The following PJVK variants were observed in gnomAD, a reference collection of about 807,000 sequenced individuals.
The protein encoded by PJVK is pejvakin, also known as autosomal recessive deafness type 59 protein.
A neutral mutation model predicts 37.6 loss-of-function variants in PJVK; 33 were observed. That is an observed-to-expected ratio of 0.88 (90% CI 0.67 to 1.17). The LOEUF is 1.17. Among genes scored for constraint, PJVK ranks in the 50% most tolerant of loss-of-function variants. The probability of loss-of-function intolerance (pLI) is 0.00; values close to 1 mark genes in which losing one functional copy is unlikely to be tolerated. For synonymous variants in PJVK, 141 were observed against 143.5 expected (o/e 0.98, Z 0.13); for missense variants, 410 against 413.8 (o/e 0.99, Z 0.08).
At chr2:178,460,905 A>T in intron 6 of PJVK, 77 bp from the exon 7 acceptor site, 1 of 1,136,918 alleles carries the variant, frequency 8.8e-7, no homozygotes, top group Non-Finnish European at 1.3e-6. Context: ...GGATTCACAT[A>T]TTTATTAATG....
Position 178,461,327 on chromosome 2 carries a change from C to A in PJVK, c.*53C>A, listed in dbSNP as rs1684498499. The A allele has an allele frequency of 3.8e-6, 6 of 1,596,260 alleles. No homozygotes were observed. The highest frequency in any genetic ancestry group is 3.3e-5 in the South Asian group (3 of 90,108). On this transcript the variant is annotated 3_prime_UTR_variant, in exon 7 of 7. Coordinates refer to ENST00000644580, the MANE Select transcript of PJVK (RefSeq NM_001042702.5). The stretch of plus-strand genomic sequence containing the variant: ...GTTTTAGGTGCAGTTGTGCCACAAA[C>A]CTTCCCTAAATTATCTAGGTTTGCT...
chr2:178,457,795 G>A (rs753930159), intron 4 of PJVK, among the ~76,000 whole-genome samples: 2 of 152,094 alleles, frequency 1.3e-5, no homozygotes, highest in South Asian at 2.1e-4. Context: ...GGAGTTCAAG[G>A]TTACAGTAGG....
At chr2:178,454,100 T>C (rs180954013) in intron 2 of PJVK, 1 of 427,652 alleles carries the variant, frequency 2.3e-6, no homozygotes, top group East Asian at 4.6e-5. Flanking sequence ...ATCTTGATGC[T>C]TAAGAAGTTC....
intron 6 of PJVK, 128 bp from the exon 7 acceptor site, chr2:178,460,848 CAAAAAA>C (rs748779811): frequency 1.1e-3 from 337 of 304,424 alleles, no homozygotes; most frequent in Middle Eastern, 3.4e-3. Flanking sequence ...GACCCTGTCT[CAAAAAA>C]AAAAAAAAAA....
At chr2:178,459,065 A>C in intron 5 of PJVK, 1 of 442,950 alleles carries the variant, frequency 2.3e-6, no homozygotes, top group South Asian at 1.7e-5. Context: ...AGTTTTACTT[A>C]TCATAGACCC....
chr2:178,461,306 T>C lies in PJVK; in HGVS notation c.*32T>C, dbSNP rs1339323935. On this transcript the variant is annotated 3_prime_UTR_variant, in exon 7 of 7. Coordinates refer to ENST00000644580, the MANE Select transcript of PJVK (RefSeq NM_001042702.5). ...AAATGAATACACCGTGTTGGTGTTT[T>C]AGGTGCAGTTGTGCCACAAACCTTC... 3 of 1,611,536 alleles carry C rather than the reference T, an allele frequency of 1.9e-6. No individual in the cohort carries two copies. Among genetic ancestry groups the C allele is most frequent in the South Asian group, 1.1e-5 (1 of 90,874 alleles).
In PJVK at chr2:178,455,918, T is replaced by C. The variant is rs181531462; in HGVS notation, c.408-92T>C. The C allele has an allele frequency of 5.1e-5, 72 of 1,424,976 alleles. No individual in the cohort carries two copies. The East Asian group carries it at 1.6e-3, about 32-fold the overall frequency. 88.3% of individuals were successfully genotyped at this position (1,424,976 alleles called of 1,614,324 possible). On this transcript the variant is annotated intron_variant, in intron 3 of 6. Transcript: ENST00000644580. Reference sequence around the variant, plus strand: ...TGCCTTGATTTACTATTAGGTGAACTATGAATGAATAACACATGATAGCAA... The same window carrying C: ...TGCCTTGATTTACTATTAGGTGAACCATGAATGAATAACACATGATAGCAA...
chr2:178,452,522 A>C, intron 1 of PJVK: 1 of 985,398 alleles, frequency 1.0e-6, no homozygotes, highest in Non-Finnish European at 1.2e-6. Context: ...GTATTTCACA[A>C]TATATGAACT....
At chr2:178,457,679 C>T (rs890559080) in intron 4 of PJVK, among the ~76,000 whole-genome samples, 5 of 152,128 alleles carry the variant, frequency 3.3e-5, no homozygotes, top group African/African-American at 7.2e-5. Context: ...ACTAGGGGCC[C>T]GGGGCCACGG....
intron 3 of PJVK, among the ~76,000 whole-genome samples, chr2:178,455,697 A>G (rs1684021134): frequency 1.3e-5 from 2 of 152,116 alleles, no homozygotes; most frequent in African/African-American, 4.8e-5. Context: ...GTTCCACAAA[A>G]TTACTTTGGC....
In PJVK at chr2:178,451,729, T is replaced by C; in HGVS notation, c.-63T>C. 2 of 979,292 alleles carry C rather than the reference T, an allele frequency of 2.0e-6. No individual in the cohort carries two copies. The highest frequency in any genetic ancestry group is 2.4e-6 in the Non-Finnish European group (2 of 824,364). The allele number at this position is 979,292 out of a possible 1,614,324, so 60.7% of individuals were successfully genotyped here. A position where few individuals can be genotyped will look rare whatever the true frequency, so the allele number is the denominator to read the frequency against. ...CCCGCTCCTCTCCCGCCGGGCGGGCTCCTTTGTCTTCTGGGCTTTCGTCGC... is the reference window on the plus strand; with the variant it reads ...CCCGCTCCTCTCCCGCCGGGCGGGCCCCTTTGTCTTCTGGGCTTTCGTCGC... On this transcript the variant is annotated 5_prime_UTR_variant, in exon 1 of 7. Transcript: ENST00000644580.
intron 4 of PJVK, 109 bp downstream of exon 4, chr2:178,456,260 A>G (rs981501774): frequency 1.1e-5 from 16 of 1,401,916 alleles, no homozygotes; most frequent in Non-Finnish European, 1.5e-5. Context: ...TGTTCTGATG[A>G]AAGAGCTGCA....
In PJVK at chr2:178,460,448, T is replaced by G; in HGVS notation, c.766+2T>G. On this transcript the variant is annotated splice_donor_variant, in intron 6 of 6. Coordinates refer to ENST00000644580, the MANE Select transcript of PJVK (RefSeq NM_001042702.5). LOFTEE classifies it high-confidence loss of function. The stretch of plus-strand genomic sequence containing the variant: ...TGAGAAATATCCTATTTGAAAGAAG[T>G]ATGTTTATTGAAGAGTACTGTGAAT... 6.2e-7 allele frequency: 1 copy of G among 1,612,710 alleles called. No homozygotes were observed. Among genetic ancestry groups the G allele is most frequent in the South Asian group, 1.1e-5 (1 of 91,052 alleles).
chr2:178,461,549 T>A lies in PJVK; in HGVS notation c.*275T>A. On this transcript the variant is annotated 3_prime_UTR_variant, in exon 7 of 7. Transcript: ENST00000644580. ...ATGAATCATGCCAGTCACTTTAGAA[T>A]CATTTTTGGGATGTAGTCTATCATT... 2.7e-6 allele frequency: 1 copy of A among 366,172 alleles called. No homozygotes were observed. The highest frequency in any genetic ancestry group is 5.0e-6 in the Non-Finnish European group (1 of 198,636). 22.7% of individuals were successfully genotyped at this position (366,172 alleles called of 1,614,324 possible). A position where few individuals can be genotyped will look rare whatever the true frequency, so the allele number is the denominator to read the frequency against.
Position 178,458,490 on chromosome 2 carries a change from T to C in PJVK, c.550-20T>C. 1 of 1,517,198 alleles carries C rather than the reference T, an allele frequency of 6.6e-7. No homozygotes were observed. The highest frequency in any genetic ancestry group is 9.2e-7 in the Non-Finnish European group (1 of 1,092,524). The allele number at this position is 1,517,198 out of a possible 1,614,324, so 94.0% of individuals were successfully genotyped here. ...TACATGTTATGATCCTTAATTATGT[T>C]ATTTATTTATTCAATATAGTTTCAC... On this transcript the variant is annotated intron_variant, in intron 4 of 6. Transcript: ENST00000644580.
At chr2:178,458,173 T>C (rs1179488969) in intron 4 of PJVK, among the ~76,000 whole-genome samples, 1 of 151,732 alleles carries the variant, frequency 6.6e-6, no homozygotes, top group Non-Finnish European at 1.5e-5. Flanking sequence ...CAGGCTAGGC[T>C]GAAAACTTTA....
chr2:178,453,688 A>T (rs966848492), intron 2 of PJVK, 68 bp downstream of exon 2: 1 of 1,277,058 alleles, frequency 7.8e-7, no homozygotes, highest in Non-Finnish European at 1.1e-6. Flanking sequence ...CATAGGTCAT[A>T]TATGCTACTT....
At position 178,461,159 on chromosome 2, in the gene PJVK, G is replaced by A. The variant is rs1214369139; in HGVS notation, c.944G>A (p.Gly315Glu). Residue 315 changes from glycine to glutamate, a missense_variant, in exon 7 of 7, where the codon GGG becomes GAG. Gly to Glu is a moderately conservative substitution (Grantham distance 98). Coordinates refer to ENST00000644580, the MANE Select transcript of PJVK (RefSeq NM_001042702.5). ...PKGPCILCGM[G>E]NFKRETVYGC... ...GGGCCTTGCATACTCTGTGGAATGG[G>A]GAACTTCAAAAGGGAGACAGTTTAT... 1 of 1,614,146 alleles carries A rather than the reference G, an allele frequency of 6.2e-7. No homozygotes were observed. Among genetic ancestry groups the A allele is most frequent in the Non-Finnish European group, 8.5e-7 (1 of 1,180,020 alleles).
At chr2:178,455,360 C>G in intron 3 of PJVK, 2 of 1,303,616 alleles carry the variant, frequency 1.5e-6, no homozygotes, top group Non-Finnish European at 2.2e-6. Context: ...ACAGAAGAAA[C>G]AGGAGATTCT....
Sources: allele counts gnomAD v4.1 joint callset (sites outside exome capture counted in the v4.1 genomes callset), GRCh38; gene constraint gnomAD v4.1.1; transcripts MANE v1.5; gene names NCBI Gene and HGNC (gene_info 2026-07-23, HGNC 2026-07-21).